The following GATD1 variants were observed in gnomAD, a reference collection of about 807,000 sequenced individuals.
GATD1 encodes the protein glutamine amidotransferase-like class 1 domain-containing protein 1.
In GATD1, 23 loss-of-function variants were observed where a neutral mutation model predicts 25.9. That is an observed-to-expected ratio of 0.89 (90% CI 0.64 to 1.26). GATD1 has a LOEUF of 1.26. Among genes scored for constraint, GATD1 ranks in the 50% most tolerant of loss-of-function variants. The pLI is 0.00. For missense variants in GATD1, 347 were observed against 312.5 expected (o/e 1.11, Z -0.83); for synonymous variants, 177 against 134.6 (o/e 1.31, Z -2.18).
Position 767,850 on chromosome 11 carries a change from TTTC to T in GATD1, c.*3044_*3046del, listed in dbSNP as rs1203507124. 1 of 157,450 alleles carries T rather than the reference TTTC, an allele frequency of 6.4e-6. No individual in the cohort carries two copies. The highest frequency in any genetic ancestry group is 1.4e-5 in the Non-Finnish European group (1 of 72,286). 9.8% of individuals were successfully genotyped at this position (157,450 alleles called of 1,614,324 possible). On this transcript the variant is annotated 3_prime_UTR_variant, in exon 8 of 8. Transcript: ENST00000319863. ...TTATAAGCCACTAGGTTTACAATAT[TTTC>T]TTTTTTTTTTTTTTTGAGATGGAGT...
chr11:769,204 T>G lies in GATD1; in HGVS notation c.*1693A>C. The G allele has an allele frequency of 3.0e-6, 3 of 985,478 alleles. No individual in the cohort carries two copies. Among genetic ancestry groups the G allele is most frequent in the East Asian group, 2.3e-4 (2 of 8,818 alleles). The allele number at this position is 985,478 out of a possible 1,614,324, so 61.0% of individuals were successfully genotyped here. On this transcript the variant is annotated 3_prime_UTR_variant, in exon 8 of 8. Coordinates refer to ENST00000319863, the MANE Select transcript of GATD1 (RefSeq NM_182612.4). ...GCAAGGCCCCGTGGCCAGTGCTAAG[T>G]GGGCATCCTGACTAATCTGCGAGGC...
chr11:773,551 CG>C lies in GATD1; in HGVS notation c.325del (p.Arg109ValfsTer40). The C allele has an allele frequency of 6.2e-7, 1 of 1,610,022 alleles. No individual in the cohort carries two copies. The highest frequency in any genetic ancestry group is 8.5e-7 in the Non-Finnish European group (1 of 1,178,946). ...CTCAGAGTGGAAGTGCTGCAGGATACGGGCCAGGGAGCCACTGCTGGCCAGG... is the reference window on the plus strand; with the variant it reads ...CTCAGAGTGGAAGTGCTGCAGGATACGGCCAGGGAGCCACTGCTGGCCAGG... ...TDLASSGSLA[R>X]ILQHFHSESK... On this transcript the variant is annotated frameshift_variant, in exon 4 of 8. Coordinates refer to ENST00000319863, the MANE Select transcript of GATD1 (RefSeq NM_182612.4). LOFTEE classifies it high-confidence loss of function.
At chr11:775,730 C>G (rs190108541) in intron 1 of GATD1, among the ~76,000 whole-genome samples, 1 of 152,116 alleles carries the variant, frequency 6.6e-6, no homozygotes, top group Admixed American at 6.6e-5. Flanking sequence ...GATTATACCC[C>G]TCCCCCGCCA....
chr11:769,112 T>TAATA lies in GATD1; in HGVS notation c.*1784_*1785insTATT, dbSNP rs1565000750. The TAATA allele has an allele frequency of 3.9e-5, 38 of 969,372 alleles. No individual in the cohort carries two copies. The highest frequency in any genetic ancestry group is 4.5e-5 in the Non-Finnish European group (37 of 823,604). The allele number at this position is 969,372 out of a possible 1,614,324, so 60.0% of individuals were successfully genotyped here. On this transcript the variant is annotated 3_prime_UTR_variant, in exon 8 of 8. Coordinates refer to ENST00000319863, the MANE Select transcript of GATD1 (RefSeq NM_182612.4). ...GACAAACTCCATCTCAAAAAATAAA[T>TAATA]AAAATAAAAAGCATTTGTCCACAGA... is the stretch of plus-strand genomic sequence containing the variant.
At position 769,988 on chromosome 11, in the gene GATD1, G is replaced by C. The variant is rs944692367; in HGVS notation, c.*909C>G. On this transcript the variant is annotated 3_prime_UTR_variant, in exon 8 of 8. Transcript: ENST00000319863. Reference sequence around the variant, plus strand: ...GCACCAGGAGCCACGCTGGTGCTTGGGAACGGCTGTGGCTGAGACGGGGAG... The same window carrying C: ...GCACCAGGAGCCACGCTGGTGCTTGCGAACGGCTGTGGCTGAGACGGGGAG... 5 of 1,037,210 alleles carry C rather than the reference G, an allele frequency of 4.8e-6. No individual in the cohort carries two copies. In the African/African-American group the frequency reaches 8.4e-5, roughly 18 times the overall value. The allele number at this position is 1,037,210 out of a possible 1,614,324, so 64.3% of individuals were successfully genotyped here. A position where few individuals can be genotyped will look rare whatever the true frequency, so the allele number is the denominator to read the frequency against.
In GATD1 at chr11:770,610, A is replaced by G. The variant is rs758299874; in HGVS notation, c.*287T>C. On this transcript the variant is annotated 3_prime_UTR_variant, in exon 8 of 8. Transcript: ENST00000319863. The stretch of plus-strand genomic sequence containing the variant: ...GTCCTCCCTAGAAAACCCAGCCTGG[A>G]ATTCCCGAGGACCACCTAGCAGCTA... 9.5e-5 allele frequency: 134 copies of G among 1,409,416 alleles called. 1 individual carries two copies. The highest frequency in any genetic ancestry group is 1.1e-4 in the Non-Finnish European group (118 of 1,084,914). The allele number at this position is 1,409,416 out of a possible 1,614,324, so 87.3% of individuals were successfully genotyped here.
Position 769,112 on chromosome 11 carries a change from T to TAAAC in GATD1, c.*1784_*1785insGTTT. The TAAAC allele has an allele frequency of 1.0e-6, 1 of 969,484 alleles. No individual in the cohort carries two copies. Among genetic ancestry groups the TAAAC allele is most frequent in the East Asian group, 1.2e-4 (1 of 8,250 alleles). The allele number at this position is 969,484 out of a possible 1,614,324, so 60.1% of individuals were successfully genotyped here. On this transcript the variant is annotated 3_prime_UTR_variant, in exon 8 of 8. Transcript: ENST00000319863. ...GACAAACTCCATCTCAAAAAATAAA[T>TAAAC]AAAATAAAAAGCATTTGTCCACAGA...
intron 6 of GATD1, 54 bp from the exon 7 acceptor site, chr11:771,158 A>C: frequency 6.5e-7 from 1 of 1,549,176 alleles, no homozygotes; most frequent in Non-Finnish European, 8.7e-7. Flanking sequence ...ACCCACTGAG[A>C]GCCTCGAACT....
chr11:770,244 C>A lies in GATD1; in HGVS notation c.*653G>T. ...AGCACTTTCCTATCATTGAGAATCT[C>A]ATGGTCTCATATTCACAAGTAAACG... is the stretch of plus-strand genomic sequence containing the variant. On this transcript the variant is annotated 3_prime_UTR_variant, in exon 8 of 8. Transcript: ENST00000319863. The A allele has an allele frequency of 7.1e-7, 1 of 1,408,870 alleles. No homozygotes were observed. Among genetic ancestry groups the A allele is most frequent in the Non-Finnish European group, 9.3e-7 (1 of 1,077,086 alleles). The allele number at this position is 1,408,870 out of a possible 1,614,324, so 87.3% of individuals were successfully genotyped here. A position where few individuals can be genotyped will look rare whatever the true frequency, so the allele number is the denominator to read the frequency against.
Position 768,987 on chromosome 11 carries a change from G to C in GATD1, c.*1910C>G, listed in dbSNP as rs1863214854. 2.1e-5 allele frequency: 6 copies of C among 284,818 alleles called. No individual in the cohort carries two copies. The South Asian group carries it at 7.9e-4, about 38-fold the overall frequency. The allele number at this position is 284,818 out of a possible 1,614,324, so 17.6% of individuals were successfully genotyped here. A position where few individuals can be genotyped will look rare whatever the true frequency, so the allele number is the denominator to read the frequency against. On this transcript the variant is annotated 3_prime_UTR_variant, in exon 8 of 8. Transcript: ENST00000319863. ...GTGGTGGCGCACACCTGTAATCCCA[G>C]CTACTCCGGAGGCTGAGGCAGGAGA... is the stretch of plus-strand genomic sequence containing the variant.
At chr11:776,220 A>C (rs2133654107) in intron 1 of GATD1, among the ~76,000 whole-genome samples, 1 of 151,940 alleles carries the variant, frequency 6.6e-6, no homozygotes, top group African/African-American at 2.4e-5. Context: ...TGACCTCGTG[A>C]TCCGCCCGCC....
chr11:772,539 C>T lies in GATD1; in HGVS notation c.356-18G>A, dbSNP rs774869648. On this transcript the variant is annotated intron_variant, in intron 4 of 7. Transcript: ENST00000319863. ...GATGGGTTCTGAAAGCCGTACATGG[C>T]GTTGAGGCCCTGGACCCCGCCACCC... 11 of 1,605,486 alleles carry T rather than the reference C, an allele frequency of 6.9e-6. No homozygotes were observed. The highest frequency in any genetic ancestry group is 1.3e-5 in the African/African-American group (1 of 74,926).
intron 1 of GATD1, chr11:777,105 G>T: frequency 3.9e-6 from 1 of 254,792 alleles, no homozygotes; most frequent in Non-Finnish European, 7.4e-6. Flanking sequence ...GGGCCGCCTC[G>T]CCGGGCAGAC....
chr11:775,568 G>A (rs1263253294), intron 1 of GATD1, among the ~76,000 whole-genome samples: 1 of 152,208 alleles, frequency 6.6e-6, no homozygotes, highest in Non-Finnish European at 1.5e-5. Context: ...GCAAACCCGG[G>A]TGTGAGGGTC....
intron 1 of GATD1, among the ~76,000 whole-genome samples, chr11:776,366 G>C (rs1420843518): frequency 2.6e-5 from 4 of 152,232 alleles, no homozygotes; most frequent in African/African-American, 7.2e-5. Context: ...GACTGCCGCA[G>C]GCTCTGTTCC....
In GATD1 at chr11:767,669, G is replaced by A. The variant is rs1432461960; in HGVS notation, c.*3228C>T. 3 of 1,233,058 alleles carry A rather than the reference G, an allele frequency of 2.4e-6. No individual in the cohort carries two copies. Among genetic ancestry groups the A allele is most frequent in the African/African-American group, 3.0e-5 (2 of 65,680 alleles). The allele number at this position is 1,233,058 out of a possible 1,614,324, so 76.4% of individuals were successfully genotyped here. The stretch of plus-strand genomic sequence containing the variant: ...CACCTGCTTAAGTCCTCACCTGCAA[G>A]GGGATGGTATTAGGTGGGGCATTTG... On this transcript the variant is annotated 3_prime_UTR_variant, in exon 8 of 8. Coordinates refer to ENST00000319863, the MANE Select transcript of GATD1 (RefSeq NM_182612.4).
rs1863547725 is a variant in GATD1, at chr11:772,463, GTCC to G, written c.411_413del (p.Glu137del). On this transcript the variant is annotated inframe_deletion, in exon 5 of 8. Coordinates refer to ENST00000319863, the MANE Select transcript of GATD1 (RefSeq NM_182612.4). ...TGTAGCTGTCGAACACCCAGGATCT[GTCC>G]TCGTTGGTGGCACAGCACAGGGCGG... 1.2e-6 allele frequency: 2 copies of G among 1,613,228 alleles called. No homozygotes were observed. The highest frequency in any genetic ancestry group is 1.3e-5 in the African/African-American group (1 of 74,944).
chr11:773,993 G>A lies in GATD1; in HGVS notation c.247+15C>T. The A allele has an allele frequency of 6.2e-7, 1 of 1,611,854 alleles. No individual in the cohort carries two copies. Among genetic ancestry groups the A allele is most frequent in the Non-Finnish European group, 8.5e-7 (1 of 1,178,764 alleles). Reference sequence around the variant, plus strand: ...CCCAGGCACCCCACCCCCAAGGAGTGGGTCCCGGGCCTACCATCGATGGAC... The same window carrying A: ...CCCAGGCACCCCACCCCCAAGGAGTAGGTCCCGGGCCTACCATCGATGGAC... On this transcript the variant is annotated intron_variant, in intron 3 of 7. Transcript: ENST00000319863.
Position 770,491 on chromosome 11 carries a change from T to G in GATD1, c.*406A>C. On this transcript the variant is annotated 3_prime_UTR_variant, in exon 8 of 8. Transcript: ENST00000319863. ...AGGCCCCCACCAACAGTGAAAGAGG[T>G]GGTGGGTGGCAGACAGGCCACAGCA... The G allele has an allele frequency of 2.1e-6, 3 of 1,437,088 alleles. No individual in the cohort carries two copies. The highest frequency in any genetic ancestry group is 1.8e-6 in the Non-Finnish European group (2 of 1,095,638). 89.0% of individuals were successfully genotyped at this position (1,437,088 alleles called of 1,614,324 possible).
Sources: gnomAD v4.1 joint callset for allele counts (sites outside exome capture counted in the v4.1 genomes callset) on GRCh38, gnomAD v4.1.1 for gene constraint, MANE v1.5 for transcripts, NCBI Gene and HGNC (gene_info 2026-07-23, HGNC 2026-07-21) for gene names.